Variants in DCC observed in about 807,000 individuals in gnomAD.
The protein encoded by DCC is DCC netrin 1 receptor.
DCC carries 58 observed loss-of-function variants against 172.5 expected under a neutral mutation model. The observed-to-expected ratio is 0.34, with a 90% CI of 0.27 to 0.42. The LOEUF (loss-of-function observed/expected upper bound fraction) is 0.42. DCC is among the 10% of genes least tolerant of loss of function. The pLI, the probability that DCC is intolerant of heterozygous loss-of-function variation, is 1.00. For missense variants in DCC, 1,740 were observed against 1,791.0 expected, an observed-to-expected ratio of 0.97 and a Z score of 0.51; for synonymous variants, 709 against 644.5, an observed-to-expected ratio of 1.10 and a Z score of -1.52.
intron 2 of DCC, among the ~76,000 whole-genome samples, chr18:52,859,503 A>G (rs758434467): frequency 5.9e-5 from 9 of 152,250 alleles, no homozygotes; most frequent in Non-Finnish European, 1.2e-4. Context: ...AAAATAGGCT[A>G]TAGTGGTAAA....
At chr18:52,417,199 C>T (rs543387614) in intron 1 of DCC, among the ~76,000 whole-genome samples, 2,729 of 152,184 alleles carry the variant, frequency 0.018, 34 homozygotes, top group South Asian at 0.032. Context: ...TGAATATTGG[C>T]CCCCACTCTC....
At chr18:53,047,292 TTA>T (rs1229921682) in intron 5 of DCC, among the ~76,000 whole-genome samples, 271 of 20,158 alleles carry the variant, frequency 0.013, 11 homozygotes, top group Middle Eastern at 0.11. Flanking sequence ...ATATATAATT[TTA>T]TATATATATA....
intron 15 of DCC, among the ~76,000 whole-genome samples, chr18:53,373,464 A>G (rs954003029): frequency 6.6e-6 from 1 of 152,142 alleles, no homozygotes; most frequent in African/African-American, 2.4e-5. Flanking sequence ...CAGAAGCTAT[A>G]TTTATTTATA....
intron 5 of DCC, among the ~76,000 whole-genome samples, chr18:52,990,506 C>T (rs1198007516): frequency 7.4e-6 from 1 of 134,446 alleles, no homozygotes; most frequent in African/African-American, 2.8e-5. Flanking sequence ...CAACATTGCA[C>T]TCCACCCTGG....
At position 52,583,083 on chromosome 18, in the gene DCC, T is replaced by C. The variant is rs138086810; in HGVS notation, c.92-168971T>C. ...TCTATATTGGCTCTCTACAATATCATTAAAAAAATGGTCCTGAAGCAATCT... is the reference window on the plus strand; with the variant it reads ...TCTATATTGGCTCTCTACAATATCACTAAAAAAATGGTCCTGAAGCAATCT... On this transcript the variant is annotated intron_variant, in intron 1 of 28. Transcript: ENST00000442544. Among the ~76,000 whole-genome samples the C allele has an allele frequency of 2.1e-3, 319 of 152,268 alleles. 1 individual carries two copies. Among genetic ancestry groups the C allele is most frequent in the Non-Finnish European group, 3.9e-3 (265 of 67,994 alleles).
At chr18:52,699,407 T>A (rs1372917790) in intron 1 of DCC, among the ~76,000 whole-genome samples, 1 of 152,172 alleles carries the variant, frequency 6.6e-6, no homozygotes, top group Admixed American at 6.5e-5. Flanking sequence ...AATTATCCCC[T>A]ATCCCCCCCA....
At chr18:53,429,431 G>A (rs938029748) in intron 21 of DCC, among the ~76,000 whole-genome samples, 4 of 151,430 alleles carry the variant, frequency 2.6e-5, no homozygotes, top group African/African-American at 9.7e-5. Flanking sequence ...ATAACTGTAT[G>A]CTCACTCAAT....
At chr18:52,533,994 A>G (rs959649403) in intron 1 of DCC, among the ~76,000 whole-genome samples, 1 of 152,136 alleles carries the variant, frequency 6.6e-6, no homozygotes, top group African/African-American at 2.4e-5. Flanking sequence ...CACCTAGCAC[A>G]ACATTTTCAA....
chr18:53,242,280 C>CA (rs2056306721), intron 12 of DCC, among the ~76,000 whole-genome samples: 1 of 152,084 alleles, frequency 6.6e-6, no homozygotes, highest in African/African-American at 2.4e-5. Context: ...AAACAACCTA[C>CA]AAAAAGACCT....
At chr18:52,805,082 A>C (rs925309274) in intron 2 of DCC, among the ~76,000 whole-genome samples, 5 of 152,190 alleles carry the variant, frequency 3.3e-5, no homozygotes, top group Admixed American at 6.5e-5. Context: ...CTCTCAATTA[A>C]GGGTAGCAAT....
At chr18:52,814,024 C>A (rs756810101) in intron 2 of DCC, among the ~76,000 whole-genome samples, 2 of 152,190 alleles carry the variant, frequency 1.3e-5, no homozygotes, top group Non-Finnish European at 2.9e-5. Context: ...ATAACCATTA[C>A]AATAGCATGA....
chr18:52,775,625 C>G (rs558577324), intron 2 of DCC, among the ~76,000 whole-genome samples: 2 of 152,274 alleles, frequency 1.3e-5, no homozygotes, highest in South Asian at 2.1e-4. Context: ...CTCGTCCCGC[C>G]GGTAGATGGC....
At chr18:52,838,483 CT>C (rs1268545654) in intron 2 of DCC, among the ~76,000 whole-genome samples, 3 of 152,050 alleles carry the variant, frequency 2.0e-5, no homozygotes, top group African/African-American at 4.8e-5. Flanking sequence ...TGTCTTTCCC[CT>C]AGAAGATGCC....
intron 1 of DCC, among the ~76,000 whole-genome samples, chr18:52,524,518 G>A (rs2031921076): frequency 6.6e-6 from 1 of 152,190 alleles, no homozygotes; most frequent in Admixed American, 6.5e-5. Flanking sequence ...TGGAAGCTCA[G>A]CTTTTCTATA....
Position 53,486,807 on chromosome 18 carries a change from C to T in DCC, c.3747C>T (p.Ser1249=), listed in dbSNP as rs749095614. 9.9e-6 allele frequency: 16 copies of T among 1,614,088 alleles called. No individual in the cohort carries two copies. Among genetic ancestry groups the T allele is most frequent in the East Asian group, 2.2e-5 (1 of 44,856 alleles). ...CTTTTTCTTTTGCAGCTGTCGTGAG[C>T]GCCATCCCGGTGCCAACGCTAGAAA... ...DAQSNNPAVV[S]AIPVPTLESA... The change falls in exon 26 of 29, where the codon AGC becomes AGT. Residue 1249 remains serine (S), a synonymous_variant. Coordinates refer to ENST00000442544, the MANE Select transcript of DCC (RefSeq NM_005215.4).
At chr18:53,171,792 C>T (rs554273813) in intron 8 of DCC, among the ~76,000 whole-genome samples, 5 of 151,752 alleles carry the variant, frequency 3.3e-5, no homozygotes, top group Admixed American at 2.0e-4. Context: ...CATCACTAAT[C>T]GTCAGAAATG....
Position 53,054,897 on chromosome 18 carries a change from A to G in DCC, c.986-8408A>G, listed in dbSNP as rs187569922. ...TTTATTTCTCTAGGATTATTAAAATATTGTCATTGCCAATGATAGCAGAAT... is the reference window on the plus strand; with the variant it reads ...TTTATTTCTCTAGGATTATTAAAATGTTGTCATTGCCAATGATAGCAGAAT... On this transcript the variant is annotated intron_variant, in intron 5 of 28. Coordinates refer to ENST00000442544, the MANE Select transcript of DCC (RefSeq NM_005215.4). 1.8e-3 allele frequency among the ~76,000 whole-genome samples: 281 copies of G among 152,284 alleles called. 5 individuals are homozygous for G. The highest frequency in any genetic ancestry group is 2.9e-3 in the Non-Finnish European group (199 of 67,992).
At chr18:52,344,354 G>A (rs747997958) in intron 1 of DCC, among the ~76,000 whole-genome samples, 6 of 152,110 alleles carry the variant, frequency 3.9e-5, no homozygotes, top group Non-Finnish European at 5.9e-5. Flanking sequence ...TTTTTGGTGG[G>A]GAGGCGGGGA....
chr18:53,111,681 A>G (rs765031628), intron 7 of DCC, among the ~76,000 whole-genome samples: 12 of 151,668 alleles, frequency 7.9e-5, no homozygotes, highest in East Asian at 1.9e-4. Flanking sequence ...CTTGATTCTG[A>G]GCATTTATGC....
Sources: gnomAD v4.1 joint callset for allele counts (sites outside exome capture counted in the v4.1 genomes callset) on GRCh38, gnomAD v4.1.1 for gene constraint, MANE v1.5 for transcripts, NCBI Gene and HGNC (gene_info 2026-07-23, HGNC 2026-07-21) for gene names.